COMMD1: variants seen among roughly 807,000 people sequenced by gnomAD.
COMMD1 encodes copper metabolism domain containing 1, also known as COMM domain-containing protein 1.
In COMMD1, 10 loss-of-function variants were observed where a neutral mutation model predicts 17.2. That is an observed-to-expected ratio of 0.58 (90% confidence interval 0.36 to 0.99). The LOEUF (loss-of-function observed/expected upper bound fraction) is 0.99. Among genes scored for constraint, COMMD1 ranks in the 50% least tolerant of loss-of-function variants. The pLI, the probability that COMMD1 is intolerant of heterozygous loss-of-function variation, is 0.01. For synonymous variants in COMMD1, 97 were observed against 91.6 expected (o/e 1.06, Z -0.34); for missense variants, 270 against 231.8 (o/e 1.17, Z -1.07).
chr2:62,114,038 A>G (rs1005275898), intron 2 of COMMD1, among the ~76,000 whole-genome samples: 3 of 152,216 alleles, frequency 2.0e-5, no homozygotes, highest in Non-Finnish European at 4.4e-5. Context: ...TGAGGGATTC[A>G]GGGATTTTTC....
chr2:61,931,780 A>G, intron 1 of COMMD1, among the ~76,000 whole-genome samples: 1 of 152,224 alleles, frequency 6.6e-6, no homozygotes, highest in Non-Finnish European at 1.5e-5. Flanking sequence ...ATCACAAATT[A>G]TGGTATATCA....
intron 2 of COMMD1, among the ~76,000 whole-genome samples, chr2:62,035,626 C>A (rs1670017202): frequency 6.6e-6 from 1 of 151,464 alleles, no homozygotes; most frequent in Admixed American, 6.6e-5. Context: ...GCAGCCCCAA[C>A]TACTTGGGAG....
chr2:62,095,284 A>G (rs923607019), intron 2 of COMMD1, among the ~76,000 whole-genome samples: 3 of 152,228 alleles, frequency 2.0e-5, no homozygotes, highest in South Asian at 2.1e-4. Flanking sequence ...CAAAGGGTCT[A>G]TGCTACTAAA....
chr2:61,890,153 T>G (rs1669390839), intron 1 of COMMD1, among the ~76,000 whole-genome samples: 2 of 152,208 alleles, frequency 1.3e-5, no homozygotes, highest in African/African-American at 4.8e-5. Flanking sequence ...GTGTGGTAGG[T>G]TCAGAAACAA....
At chr2:61,948,200 C>T (rs1173528884) in intron 1 of COMMD1, among the ~76,000 whole-genome samples, 2 of 152,166 alleles carry the variant, frequency 1.3e-5, no homozygotes, top group African/African-American at 4.8e-5. Flanking sequence ...CCTTGACCTC[C>T]TGGGCTCAAG....
intron 2 of COMMD1, among the ~76,000 whole-genome samples, chr2:62,063,868 A>AATATATAT (rs55740628): frequency 0.016 from 1,336 of 81,138 alleles, 70 homozygotes; most frequent in Non-Finnish European, 0.017. Flanking sequence ...GTCTCTACAA[A>AATATATAT]ATATATATAT....
At chr2:62,126,921 A>C (rs1573216055) in intron 2 of COMMD1, among the ~76,000 whole-genome samples, 1 of 152,210 alleles carries the variant, frequency 6.6e-6, no homozygotes. Context: ...TCAAATAGGA[A>C]GAGAGGAAGT....
At chr2:61,970,551 A>G (rs1671621065) in intron 1 of COMMD1, among the ~76,000 whole-genome samples, 1 of 152,116 alleles carries the variant, frequency 6.6e-6, no homozygotes. Context: ...TGTTTAGGGA[A>G]TAATGATAAA....
intron 2 of COMMD1, among the ~76,000 whole-genome samples, chr2:62,011,974 G>T (rs556330962): frequency 6.6e-6 from 1 of 152,110 alleles, no homozygotes; most frequent in Non-Finnish European, 1.5e-5. Context: ...ATGACTGGGC[G>T]CAGTGACTCG....
intron 1 of COMMD1, among the ~76,000 whole-genome samples, chr2:61,942,233 A>G (rs1442399096): frequency 1.3e-5 from 2 of 151,482 alleles, no homozygotes; most frequent in Admixed American, 6.6e-5. Flanking sequence ...CCTCCCGAGT[A>G]GCTGGGATTA....
chr2:62,092,040 T>G (rs1001547591), intron 2 of COMMD1, among the ~76,000 whole-genome samples: 1 of 152,214 alleles, frequency 6.6e-6, no homozygotes, highest in African/African-American at 2.4e-5. Context: ...GGGCTTTGCC[T>G]GCAGGAAGAT....
chr2:62,049,539 A>G (rs1670482738), intron 2 of COMMD1, among the ~76,000 whole-genome samples: 1 of 152,166 alleles, frequency 6.6e-6, no homozygotes, highest in Non-Finnish European at 1.5e-5. Flanking sequence ...AATGCACAGG[A>G]CAGCCCCACA....
intron 1 of COMMD1, among the ~76,000 whole-genome samples, chr2:61,896,473 C>G (rs903726846): frequency 6.6e-6 from 1 of 151,956 alleles, no homozygotes; most frequent in Non-Finnish European, 1.5e-5. Context: ...CCTAGCTACT[C>G]GAGAGGCTGA....
intron 1 of COMMD1, among the ~76,000 whole-genome samples, chr2:61,940,920 C>T (rs1370922044): frequency 6.6e-6 from 1 of 151,914 alleles, no homozygotes; most frequent in Non-Finnish European, 1.5e-5. Flanking sequence ...GATCTCCTGA[C>T]CTCGTGATCC....
At chr2:62,030,005 C>G (rs1034293420) in intron 2 of COMMD1, among the ~76,000 whole-genome samples, 2 of 152,224 alleles carry the variant, frequency 1.3e-5, no homozygotes, top group African/African-American at 4.8e-5. Context: ...TTAGGTCCAG[C>G]AAAGTATGGA....
chr2:61,919,035 G>A (rs1670117735), intron 1 of COMMD1, among the ~76,000 whole-genome samples: 3 of 152,006 alleles, frequency 2.0e-5, no homozygotes, highest in African/African-American at 7.2e-5. Flanking sequence ...TTTTGAGATG[G>A]AGTTTTGCTC....
At chr2:62,112,192 G>A (rs1377829957) in intron 2 of COMMD1, among the ~76,000 whole-genome samples, 1 of 152,182 alleles carries the variant, frequency 6.6e-6, no homozygotes, top group African/African-American at 2.4e-5. Flanking sequence ...ATATTTGAGT[G>A]CAGTGGGTGG....
At chr2:61,935,617 G>A (rs563532128) in intron 1 of COMMD1, among the ~76,000 whole-genome samples, 1 of 150,888 alleles carries the variant, frequency 6.6e-6, no homozygotes, top group Non-Finnish European at 1.5e-5. Flanking sequence ...GGGCGACAGA[G>A]CAAGACTCTG....
intron 2 of COMMD1, among the ~76,000 whole-genome samples, chr2:62,117,437 T>C (rs1672638077): frequency 6.6e-6 from 1 of 152,242 alleles, no homozygotes; most frequent in Non-Finnish European, 1.5e-5. Context: ...TGATGGCGTT[T>C]ATGTTCTATA....
Sources: gnomAD v4.1 joint callset for allele counts (sites outside exome capture counted in the v4.1 genomes callset) on GRCh38, gnomAD v4.1.1 for gene constraint, MANE v1.5 for transcripts, NCBI Gene and HGNC (gene_info 2026-07-23, HGNC 2026-07-21) for gene names.